EFCAB6: variants seen among roughly 807,000 people sequenced by gnomAD.
The protein encoded by EFCAB6 is EF-hand calcium-binding domain-containing protein 6.
Under a neutral mutation model 169.8 loss-of-function variants are expected in EFCAB6, and 156 were observed. The ratio of observed to expected loss-of-function variants is 0.92; its 90% CI spans 0.81 to 1.05. The LOEUF (loss-of-function observed/expected upper bound fraction) is 1.05, where lower values mean the gene tolerates loss of function less well. Among genes scored for constraint, EFCAB6 ranks in the 50% least tolerant of loss-of-function variants. EFCAB6 has a pLI of 0.00. For synonymous variants in EFCAB6, 698 were observed against 676.4 expected (o/e 1.03, Z -0.50); for missense variants, 1,800 against 1,829.1 (o/e 0.98, Z 0.29).
At chr22:43,663,930 A>T (rs1400542775) in intron 17 of EFCAB6, among the ~76,000 whole-genome samples, 2 of 152,208 alleles carry the variant, frequency 1.3e-5, no homozygotes, top group Non-Finnish European at 2.9e-5. Flanking sequence ...CACCGAGTCC[A>T]GGGTACTTTG....
intron 20 of EFCAB6, among the ~76,000 whole-genome samples, chr22:43,624,066 T>C (rs963403883): frequency 3.9e-5 from 6 of 152,152 alleles, no homozygotes; most frequent in Admixed American, 2.0e-4. Context: ...CTGCTCATTA[T>C]CTGTGTCCTT....
At chr22:43,610,843 C>T (rs924087371) in intron 21 of EFCAB6, among the ~76,000 whole-genome samples, 1 of 152,090 alleles carries the variant, frequency 6.6e-6, no homozygotes, top group Non-Finnish European at 1.5e-5. Flanking sequence ...GTCCCAACAA[C>T]AAGTAAAAAT....
chr22:43,733,523 T>C (rs2147642780), intron 7 of EFCAB6, among the ~76,000 whole-genome samples: 1 of 152,270 alleles, frequency 6.6e-6, no homozygotes, highest in East Asian at 1.9e-4. Context: ...TCTTGTTTTA[T>C]GTAGGTTGGA....
At chr22:43,727,602 A>G (rs1040842365) in intron 8 of EFCAB6, among the ~76,000 whole-genome samples, 2 of 152,350 alleles carry the variant, frequency 1.3e-5, no homozygotes, top group East Asian at 3.9e-4. Context: ...AGTACAATGC[A>G]GGGCAGCAAT....
chr22:43,696,487 G>A (rs1448959745), intron 10 of EFCAB6, among the ~76,000 whole-genome samples: 1 of 152,144 alleles, frequency 6.6e-6, no homozygotes. Flanking sequence ...ACAAAGACTT[G>A]TATATGAATG....
chr22:43,785,368 T>C (rs1356192020), intron 2 of EFCAB6, among the ~76,000 whole-genome samples: 1 of 152,030 alleles, frequency 6.6e-6, no homozygotes, highest in Admixed American at 6.6e-5. Flanking sequence ...AATTGAATAA[T>C]TCACAAATAC....
chr22:43,739,130 C>A (rs2060274499), intron 6 of EFCAB6, among the ~76,000 whole-genome samples: 1 of 152,222 alleles, frequency 6.6e-6, no homozygotes, highest in Non-Finnish European at 1.5e-5. Flanking sequence ...ATGTGTCCCC[C>A]TCTCTTAAAA....
intron 10 of EFCAB6, among the ~76,000 whole-genome samples, chr22:43,699,682 T>C (rs545556902): frequency 6.6e-6 from 1 of 152,288 alleles, no homozygotes; most frequent in African/African-American, 2.4e-5. Context: ...CCCATAGCCC[T>C]GTTAACCACT....
intron 6 of EFCAB6, 105 bp downstream of exon 6, chr22:43,755,661 T>C: frequency 9.7e-7 from 1 of 1,029,320 alleles, no homozygotes; most frequent in Non-Finnish European, 1.4e-6. Context: ...ACATGAGAAC[T>C]CGGATGACAA....
chr22:43,576,240 A>G, intron 26 of EFCAB6, 57 bp downstream of exon 26: 3 of 1,479,614 alleles, frequency 2.0e-6, no homozygotes, highest in Non-Finnish European at 2.7e-6. Flanking sequence ...TCCATTTTGT[A>G]AAAACTAATT....
intron 7 of EFCAB6, among the ~76,000 whole-genome samples, chr22:43,732,727 A>G (rs2059999857): frequency 6.6e-6 from 1 of 152,118 alleles, no homozygotes; most frequent in African/African-American, 2.4e-5. Flanking sequence ...TCAGCTTCCT[A>G]AAGTGCTGGA....
intron 17 of EFCAB6, among the ~76,000 whole-genome samples, chr22:43,651,939 A>G (rs1471153885): frequency 2.0e-5 from 3 of 152,206 alleles, no homozygotes; most frequent in Non-Finnish European, 2.9e-5. Context: ...CTAGGAAGCA[A>G]CTAACTTGCT....
chr22:43,612,768 C>T (rs888852502), intron 21 of EFCAB6, among the ~76,000 whole-genome samples: 5 of 152,036 alleles, frequency 3.3e-5, no homozygotes, highest in African/African-American at 1.2e-4. Flanking sequence ...GTGGCATGCA[C>T]CTGTAGTCCG....
intron 27 of EFCAB6, among the ~76,000 whole-genome samples, chr22:43,551,496 GTTT>G (rs1363352731): frequency 2.0e-5 from 3 of 152,136 alleles, no homozygotes; most frequent in Non-Finnish European, 4.4e-5. Flanking sequence ...GCTTATTTTT[GTTT>G]TTTAAATTTT....
intron 7 of EFCAB6, among the ~76,000 whole-genome samples, chr22:43,735,193 G>C (rs1438768716): frequency 6.6e-6 from 1 of 152,048 alleles, no homozygotes; most frequent in Admixed American, 6.6e-5. Flanking sequence ...TTTATAGGAG[G>C]CTCAAAAAAA....
In EFCAB6 at chr22:43,790,359, A is replaced by G. The variant is rs79842117; in HGVS notation, c.-7-8034T>C. 9.4e-3 allele frequency among the ~76,000 whole-genome samples: 1,428 copies of G among 152,378 alleles called. 24 individuals are homozygous for G. Among genetic ancestry groups the G allele is most frequent in the African/African-American group, 0.033 (1,378 of 41,588 alleles). ...TGGTTTGTGTTCACACAGTCAACAC[A>G]TATTTACTCAGTTCCTTTCTAGGAG... On this transcript the variant is annotated intron_variant, in intron 2 of 31. Coordinates refer to ENST00000262726, the MANE Select transcript of EFCAB6 (RefSeq NM_022785.4).
At chr22:43,675,213 TC>T (rs2057672508) in intron 13 of EFCAB6, among the ~76,000 whole-genome samples, 1 of 145,304 alleles carries the variant, frequency 6.9e-6, no homozygotes, top group Admixed American at 7.0e-5. Context: ...ATAATATATA[TC>T]ATATAACTAT....
intron 18 of EFCAB6, among the ~76,000 whole-genome samples, chr22:43,634,022 A>G (rs1377560286): frequency 6.6e-6 from 1 of 152,078 alleles, no homozygotes; most frequent in African/African-American, 2.4e-5. Flanking sequence ...AGAAGCAGGA[A>G]GTGAGGGGAG....
rs535363490 is a variant in EFCAB6 at position 43,753,332 on chromosome 22, T to C, written c.507+2434A>G. 2.0e-4 allele frequency among the ~76,000 whole-genome samples: 31 copies of C among 152,262 alleles called. No individual in the cohort carries two copies. The South Asian group carries it at 2.5e-3, about 12-fold the overall frequency. ...CGAAAAGCAAGGGCCAGGAGAGTGA[T>C]AGCAAGTGAGGAATGCGCCAGGACT... On this transcript the variant is annotated intron_variant, in intron 6 of 31. Coordinates refer to ENST00000262726, the MANE Select transcript of EFCAB6 (RefSeq NM_022785.4).
Sources: gnomAD v4.1 joint callset for allele counts (sites outside exome capture counted in the v4.1 genomes callset) on GRCh38, gnomAD v4.1.1 for gene constraint, MANE v1.5 for transcripts, NCBI Gene and HGNC (gene_info 2026-07-23, HGNC 2026-07-21) for gene names.